The following MAGEA11 variants were observed in gnomAD, a reference collection of about 807,000 sequenced individuals.
MAGEA11 encodes melanoma-associated antigen 11.
A neutral mutation model predicts 8.4 loss-of-function variants in MAGEA11; 1 was observed. The ratio of observed to expected loss-of-function variants is 0.12; its 90% CI spans 0.04 to 0.57. The LOEUF is 0.57. MAGEA11 is among the 20% of genes least tolerant of loss of function. MAGEA11 has a pLI of 0.91. For synonymous variants in MAGEA11, 127 were observed against 119.3 expected (o/e 1.06, Z -0.42); for missense variants, 209 against 317.3 (o/e 0.66, Z 2.59).
Position 149,716,411 on chromosome X carries a change from A to T in MAGEA11, c.925A>T (p.Met309Leu), listed in dbSNP as rs2090427284. The stretch of plus-strand genomic sequence containing the variant: ...TGGCATACAGTGTAATGAGCAGAGC[A>T]TGCCCAAGTCTGGCCTCCTGATAAT... ...YDGIQCNEQS[M>L]PKSGLLIIVL... Residue 309 changes from methionine to leucine, a missense_variant, in exon 5 of 5, where the codon ATG (methionine) becomes TTG (leucine). Met to Leu is a conservative substitution (Grantham distance 15, BLOSUM62 2). This residue lies in a region of MAGEA11 where 78 missense variants were observed against 178.8 expected (regional missense o/e 0.44). Coordinates refer to ENST00000355220, the MANE Select transcript of MAGEA11 (RefSeq NM_005366.5). 1 of 1,211,766 alleles carries T rather than the reference A, an allele frequency of 8.3e-7. No individual in the cohort carries two copies. The highest frequency in any genetic ancestry group is 1.1e-6 in the Non-Finnish European group (1 of 895,456).
chrX:149,700,190 T>C (rs192997000), intron 1 of MAGEA11, among the ~76,000 whole-genome samples: 129 of 112,490 alleles, frequency 1.1e-3, no homozygotes, highest in Non-Finnish European at 1.9e-3. Context: ...TTTAGATATG[T>C]TTAGTTATAA....
At chrX:149,710,613 T>C (rs1233324139), upstream of MAGEA11, among the ~76,000 whole-genome samples, 1 of 110,891 alleles carries the variant, frequency 9.0e-6, no homozygotes, top group East Asian at 2.8e-4. Flanking sequence ...CACACCCAGC[T>C]AATTTTTCAT....
At chrX:149,699,258 G>C (rs1557360798) in intron 1 of MAGEA11, among the ~76,000 whole-genome samples, 1 of 111,496 alleles carries the variant, frequency 9.0e-6, no homozygotes, top group African/African-American at 3.3e-5. Flanking sequence ...TTGTCTTTTG[G>C]GCAGATCTCA....
At chrX:149,705,459 G>T (rs2090373409) in intron 1 of MAGEA11, among the ~76,000 whole-genome samples, 1 of 112,352 alleles carries the variant, frequency 8.9e-6, no homozygotes, top group Admixed American at 9.4e-5. Flanking sequence ...CTAGCCATGT[G>T]GAACTGTAAG....
chrX:149,705,984 T>C (rs1557361431), intron 1 of MAGEA11, among the ~76,000 whole-genome samples: 1 of 112,233 alleles, frequency 8.9e-6, no homozygotes, highest in African/African-American at 3.2e-5. Context: ...AGTGTCACAG[T>C]TGTCATCCTG....
chrX:149,700,378 A>G (rs2090346933), intron 1 of MAGEA11, among the ~76,000 whole-genome samples: 1 of 111,864 alleles, frequency 8.9e-6, no homozygotes, highest in African/African-American at 3.3e-5. Context: ...GTTCATTTGT[A>G]CATGACCATG....
At chrX:149,699,755 C>G (rs905774830) in intron 1 of MAGEA11, among the ~76,000 whole-genome samples, 2 of 111,357 alleles carry the variant, frequency 1.8e-5, no homozygotes, top group Non-Finnish European at 3.8e-5. Context: ...TGTTCAGGCA[C>G]AGCTGTAGTC....
At chrX:149,694,939 TC>T (rs1451103730) in intron 1 of MAGEA11, among the ~76,000 whole-genome samples, 1 of 111,336 alleles carries the variant, frequency 9.0e-6, no homozygotes, top group Non-Finnish European at 1.9e-5. Context: ...CAGGCTGGTC[TC>T]GAACTCCTGA....
At chrX:149,711,668 G>A (rs2090400924), upstream of MAGEA11, 1 of 149,450 alleles carries the variant, frequency 6.7e-6, no homozygotes, top group South Asian at 3.0e-4. Flanking sequence ...CACATAGAGG[G>A]GCCACAGAAT....
chrX:149,709,923 C>T (rs147210572), upstream of MAGEA11, among the ~76,000 whole-genome samples: 629 of 111,707 alleles, frequency 5.6e-3, 5 homozygotes, highest in African/African-American at 0.018. Context: ...GCTATCATTG[C>T]TATTTTTCAA....
At chrX:149,705,186 C>A (rs1163887908) in intron 1 of MAGEA11, among the ~76,000 whole-genome samples, 1 of 112,453 alleles carries the variant, frequency 8.9e-6, no homozygotes, top group Non-Finnish European at 1.9e-5. Flanking sequence ...TGGTTTGGCT[C>A]TGTGTCCCCA....
upstream of MAGEA11, chrX:149,712,009 C>T (rs1434555850): frequency 1.3e-6 from 1 of 745,426 alleles, no homozygotes; most frequent in African/African-American, 2.4e-5. Flanking sequence ...CGGGTTCGCT[C>T]CTGCTGTAAA....
rs2090429960 is a variant in MAGEA11, at chrX:149,716,978, A to G, written c.*202A>G. ...TATACTGCCTTTAGGTTTCTCTTCCATCGGGTGACTTGGAGATTTCTTTTT... is the reference window on the plus strand; with the variant it reads ...TATACTGCCTTTAGGTTTCTCTTCCGTCGGGTGACTTGGAGATTTCTTTTT... On this transcript the variant is annotated 3_prime_UTR_variant, in exon 5 of 5. Coordinates refer to ENST00000355220, the MANE Select transcript of MAGEA11 (RefSeq NM_005366.5). 1.4e-5 allele frequency: 5 copies of G among 355,651 alleles called. No homozygotes were observed. Among genetic ancestry groups the G allele is most frequent in the Non-Finnish European group, 1.9e-5 (4 of 205,607 alleles). The allele number at this position is 355,651 out of a possible 1,213,427, so 29.3% of individuals were successfully genotyped here.
chrX:149,704,629 T>G (rs1018978671), intron 1 of MAGEA11, among the ~76,000 whole-genome samples: 1 of 112,064 alleles, frequency 8.9e-6, no homozygotes, highest in Admixed American at 9.4e-5. Context: ...AAGACTTCCA[T>G]TGACCTTTAG....
At chrX:149,712,007 C>T, upstream of MAGEA11, 1 of 748,780 alleles carries the variant, frequency 1.3e-6, no homozygotes, top group Non-Finnish European at 1.6e-6. Flanking sequence ...ATCGGGTTCG[C>T]TCCTGCTGTA....
chrX:149,715,765 C>G lies in MAGEA11; in HGVS notation c.279C>G (p.Pro93=). 8.3e-7 allele frequency: 1 copy of G among 1,202,186 alleles called. No homozygotes were observed. The highest frequency in any genetic ancestry group is 1.1e-6 in the Non-Finnish European group (1 of 890,971). ...CCTCTCTCCCCAGGCTGTGGGGCCCCATCACCCAGATATTTCCCACAGTTC... is the reference window on the plus strand; with the variant it reads ...CCTCTCTCCCCAGGCTGTGGGGCCCGATCACCCAGATATTTCCCACAGTTC... ...ITGGEQVLWG[P]ITQIFPTVRP... Residue 93 remains proline, a synonymous_variant, in exon 5 of 5, where the codon CCC becomes CCG. Transcript: ENST00000355220.
chrX:149,713,298 C>G, intron 2 of MAGEA11, 43 bp downstream of exon 2: 1 of 879,933 alleles, frequency 1.1e-6, no homozygotes, highest in Non-Finnish European at 1.6e-6. Flanking sequence ...GGCACGGTGG[C>G]CACATGTGGT....
At chrX:149,700,356 C>T (rs957094126) in intron 1 of MAGEA11, among the ~76,000 whole-genome samples, 1 of 111,618 alleles carries the variant, frequency 9.0e-6, no homozygotes, top group Admixed American at 9.5e-5. Context: ...TTGAACTATG[C>T]GATGAGCTGG....
chrX:149,701,269 G>C (rs1343050478), intron 1 of MAGEA11, among the ~76,000 whole-genome samples: 4 of 104,760 alleles, frequency 3.8e-5, no homozygotes, highest in African/African-American at 1.0e-4. Context: ...TAACTGGTGT[G>C]AGATGGTATC....
Sources: gnomAD v4.1 joint callset for allele counts (sites outside exome capture counted in the v4.1 genomes callset) on GRCh38, gnomAD v4.1.1 for gene constraint, gnomAD v4.1.1 regional missense constraint, MANE v1.5 for transcripts, NCBI Gene and HGNC (gene_info 2026-07-23, HGNC 2026-07-21) for gene names.